The following PIEZO2 variants were observed in gnomAD, a reference collection of about 807,000 sequenced individuals.
The protein encoded by PIEZO2 is piezo-type mechanosensitive ion channel component 2.
Under a neutral mutation model 337.3 loss-of-function variants are expected in PIEZO2, and 172 were observed. The ratio of observed to expected loss-of-function variants is 0.51; its 90% CI spans 0.45 to 0.58. PIEZO2 has a LOEUF of 0.58. PIEZO2 is among the 20% of genes least tolerant of loss of function. The pLI is 0.00. For missense variants in PIEZO2, 3,028 were observed against 3,391.3 expected, an observed-to-expected ratio of 0.89 and a Z score of 2.66; for synonymous variants, 1,251 against 1,228.5, an observed-to-expected ratio of 1.02 and a Z score of -0.38.
chr18:11,022,539 T>C (rs941691845), intron 2 of PIEZO2, among the ~76,000 whole-genome samples: 2 of 152,140 alleles, frequency 1.3e-5, no homozygotes, highest in Non-Finnish European at 2.9e-5. Flanking sequence ...AGATGGGCTC[T>C]CCTCTGGGTG....
chr18:11,024,813 AT>A (rs1328490620), intron 2 of PIEZO2, among the ~76,000 whole-genome samples: 6 of 151,556 alleles, frequency 4.0e-5, no homozygotes, highest in Admixed American at 6.6e-5. Context: ...TAATTTTTAT[AT>A]TTTTAGTAGA....
intron 1 of PIEZO2, among the ~76,000 whole-genome samples, chr18:11,108,470 C>T (rs1461361222): frequency 4.6e-5 from 7 of 151,910 alleles, no homozygotes; most frequent in African/African-American, 1.4e-4. Context: ...AAAAAGTAGC[C>T]GGGCGCGGTG....
chr18:11,108,803 C>T (rs1321125810), intron 1 of PIEZO2, among the ~76,000 whole-genome samples: 1 of 151,986 alleles, frequency 6.6e-6, no homozygotes, highest in Non-Finnish European at 1.5e-5. Context: ...TAGCAGAGCT[C>T]AGGGCTGGCA....
chr18:10,758,209 C>T (rs1314835284), intron 26 of PIEZO2, 75 bp from the exon 27 acceptor site: 12 of 1,428,918 alleles, frequency 8.4e-6, no homozygotes, highest in Non-Finnish European at 1.1e-5. Context: ...ACAGTCATCA[C>T]ACAGCAACAG....
chr18:10,742,941 A>G (rs2037283744), intron 31 of PIEZO2, among the ~76,000 whole-genome samples: 1 of 152,166 alleles, frequency 6.6e-6, no homozygotes, highest in Non-Finnish European at 1.5e-5. Flanking sequence ...CTTGTATCAT[A>G]GCCAATTTGA....
chr18:10,853,679 A>G lies in PIEZO2; in HGVS notation c.917+1674T>C, dbSNP rs575009751. Among the ~76,000 whole-genome samples the G allele has an allele frequency of 5.9e-5, 9 of 152,310 alleles. No individual in the cohort carries two copies. In the South Asian group the frequency reaches 1.7e-3, roughly 28 times the overall value. ...ACCCTATACTGATCACCTAGTTTAA[A>G]TAATTTGATTTGTCTTCTCTCTGTT... On this transcript the variant is annotated intron_variant, in intron 7 of 55. Transcript: ENST00000674853. This position sits in a 1 kb window ranked among gnomAD's most constrained non-coding sequence, Gnocchi z 4.2.
chr18:10,706,608 C>T (rs1030925429), intron 40 of PIEZO2, among the ~76,000 whole-genome samples: 3 of 152,232 alleles, frequency 2.0e-5, no homozygotes, highest in Admixed American at 6.5e-5. Context: ...TCCTCACTCC[C>T]TGCCTTTGGC....
At chr18:10,796,087 G>A (rs952638628) in intron 12 of PIEZO2, among the ~76,000 whole-genome samples, 2 of 152,046 alleles carry the variant, frequency 1.3e-5, no homozygotes, top group East Asian at 1.9e-4. Flanking sequence ...GCTGCTGGCC[G>A]GGCTTGGTGA....
chr18:10,924,802 C>T (rs947328517), intron 3 of PIEZO2, among the ~76,000 whole-genome samples: 1 of 152,130 alleles, frequency 6.6e-6, no homozygotes, highest in Non-Finnish European at 1.5e-5. Context: ...TCTTATAAGG[C>T]GTTACAATTG....
At position 10,781,262 on chromosome 18, in the gene PIEZO2, A is replaced by G. The variant is rs2038971724; in HGVS notation, c.2493-896T>C. Among the ~76,000 whole-genome samples, 1 of 152,024 alleles carries G rather than the reference A, an allele frequency of 6.6e-6. No individual in the cohort carries two copies. Among genetic ancestry groups the G allele is most frequent in the Non-Finnish European group, 1.5e-5 (1 of 68,010 alleles). Reference sequence around the variant, plus strand: ...GAGGCAGGTGGATCATGAGGTCAAGAGTTCGATACCAGCCTGGCCAATATG... The same window carrying G: ...GAGGCAGGTGGATCATGAGGTCAAGGGTTCGATACCAGCCTGGCCAATATG... On this transcript the variant is annotated intron_variant, in intron 17 of 55. Transcript: ENST00000674853. The surrounding 1 kb of genome is among the most constrained non-coding windows in gnomAD (Gnocchi z 4.1).
intron 17 of PIEZO2, among the ~76,000 whole-genome samples, chr18:10,782,223 TA>T (rs2039013758): frequency 2.3e-5 from 3 of 132,156 alleles, no homozygotes; most frequent in African/African-American, 8.5e-5. Context: ...ATATATATCA[TA>T]ATATATATGA....
At chr18:10,705,203 G>A (rs1029234855) in intron 41 of PIEZO2, 133 bp downstream of exon 41, 6 of 1,191,842 alleles carry the variant, frequency 5.0e-6, no homozygotes, top group Non-Finnish European at 6.8e-6. Flanking sequence ...AAGAAGTCTT[G>A]GAATTGTCTG....
intron 42 of PIEZO2, among the ~76,000 whole-genome samples, chr18:10,703,539 T>C (rs1406784969): frequency 6.6e-6 from 1 of 152,198 alleles, no homozygotes; most frequent in Non-Finnish European, 1.5e-5. Flanking sequence ...GCATCTAGCA[T>C]GAGCACTGTC....
At position 11,116,614 on chromosome 18, in the gene PIEZO2, G is replaced by A. The variant is rs1379693880; in HGVS notation, c.64+31911C>T. Among the ~76,000 whole-genome samples, 5 of 152,064 alleles carry A rather than the reference G, an allele frequency of 3.3e-5. No homozygotes were observed. The highest frequency in any genetic ancestry group is 3.3e-4 in the Admixed American group (5 of 15,272). On this transcript the variant is annotated intron_variant, in intron 1 of 55. Coordinates refer to ENST00000674853, the MANE Select transcript of PIEZO2 (RefSeq NM_001378183.1). The surrounding 1 kb of genome is among the most constrained non-coding windows in gnomAD (Gnocchi z 5.0). Reference sequence around the variant, plus strand: ...GCCTGTAGTCCCAGCTACTCGGGAGGCTGAGGCAGGAGAATGGCGTGAACC... The same window carrying A: ...GCCTGTAGTCCCAGCTACTCGGGAGACTGAGGCAGGAGAATGGCGTGAACC...
intron 2 of PIEZO2, among the ~76,000 whole-genome samples, chr18:11,034,359 G>A (rs932754297): frequency 1.3e-5 from 2 of 151,184 alleles, no homozygotes; most frequent in Non-Finnish European, 2.9e-5. Context: ...GCAATGGTGC[G>A]ATCTCGGCTC....
intron 37 of PIEZO2, among the ~76,000 whole-genome samples, chr18:10,717,064 C>T (rs922651783): frequency 5.3e-5 from 8 of 152,184 alleles, no homozygotes; most frequent in African/African-American, 1.7e-4. Context: ...GATTCAGACT[C>T]CTTGGGTTCA....
In PIEZO2 at chr18:10,918,403, A is replaced by C. The variant is rs186445490; in HGVS notation, c.287-7175T>G. ...CTGATCATAAATATCTAGATGGCAC[A>C]ACCTTAAGTATATGATAATTGCTGT... is the stretch of plus-strand genomic sequence containing the variant. On this transcript the variant is annotated intron_variant, in intron 3 of 55. Transcript: ENST00000674853. Among the ~76,000 whole-genome samples the C allele has an allele frequency of 2.4e-3, 358 of 152,194 alleles. 3 individuals are homozygous for C. The highest frequency in any genetic ancestry group is 8.0e-3 in the African/African-American group (334 of 41,560).
At chr18:10,715,188 T>A in intron 38 of PIEZO2, among the ~76,000 whole-genome samples, 1 of 152,370 alleles carries the variant, frequency 6.6e-6, no homozygotes, top group East Asian at 1.9e-4. Flanking sequence ...GAACTATTAT[T>A]TTAAAATACA....
intron 1 of PIEZO2, among the ~76,000 whole-genome samples, chr18:11,086,662 A>G (rs1331913533): frequency 6.6e-6 from 1 of 152,214 alleles, no homozygotes; most frequent in African/African-American, 2.4e-5. Context: ...GAAGGAATTG[A>G]TAGATATGAA....
Sources: allele counts gnomAD v4.1 joint callset (sites outside exome capture counted in the v4.1 genomes callset), GRCh38; gene constraint gnomAD v4.1.1; non-coding constraint Gnocchi (gnomAD v3.1); transcripts MANE v1.5; gene names NCBI Gene and HGNC (gene_info 2026-07-23, HGNC 2026-07-21).